Variants in TLL1 observed in about 807,000 individuals in gnomAD.
TLL1 encodes tolloid like 1.
Under a neutral mutation model 128.2 loss-of-function variants are expected in TLL1, and 49 were observed. That is an observed-to-expected ratio of 0.38 (90% confidence interval 0.30 to 0.48). The LOEUF (loss-of-function observed/expected upper bound fraction) is 0.48. Ranked by LOEUF, TLL1 falls within the 20% of genes least tolerant of loss-of-function variation. The pLI is 0.96. For missense variants in TLL1, 1,123 were observed against 1,242.0 expected (o/e 0.90, Z 1.44); for synonymous variants, 454 against 418.8 (o/e 1.08, Z -1.03).
intron 1 of TLL1, among the ~76,000 whole-genome samples, chr4:165,926,031 A>T (rs1463100015): frequency 6.6e-6 from 1 of 152,188 alleles, no homozygotes; most frequent in Non-Finnish European, 1.5e-5. Flanking sequence ...TGCACTGGGA[A>T]ACAAAAAGGT....
intron 1 of TLL1, among the ~76,000 whole-genome samples, chr4:165,876,052 A>G (rs559330437): frequency 1.3e-5 from 2 of 152,292 alleles, no homozygotes; most frequent in Admixed American, 6.5e-5. Context: ...TCTGTTTTTG[A>G]GAAGAGGCAT....
chr4:166,091,871 C>A (rs1424011486), intron 19 of TLL1, among the ~76,000 whole-genome samples: 1 of 151,970 alleles, frequency 6.6e-6, no homozygotes, highest in African/African-American at 2.4e-5. Flanking sequence ...CTAATTTACT[C>A]TTACAGATTT....
At chr4:165,912,562 A>G (rs1434516991) in intron 1 of TLL1, among the ~76,000 whole-genome samples, 4 of 152,232 alleles carry the variant, frequency 2.6e-5, no homozygotes, top group Non-Finnish European at 5.9e-5. Flanking sequence ...TTGGATTGGA[A>G]TCTGGAAATC....
chr4:166,004,358 GTAAT>G (rs1737312581), intron 6 of TLL1, among the ~76,000 whole-genome samples: 1 of 152,016 alleles, frequency 6.6e-6, no homozygotes, highest in Non-Finnish European at 1.5e-5. Flanking sequence ...AATTCCTTCT[GTAAT>G]TAACAATACT....
intron 1 of TLL1, among the ~76,000 whole-genome samples, chr4:165,922,753 G>A (rs1382607410): frequency 6.6e-6 from 1 of 152,110 alleles, no homozygotes; most frequent in Admixed American, 6.6e-5. Context: ...AGAAATTTGG[G>A]CTATTTTTGA....
At chr4:165,898,776 T>C (rs958193007) in intron 1 of TLL1, among the ~76,000 whole-genome samples, 1 of 152,198 alleles carries the variant, frequency 6.6e-6, no homozygotes, top group Admixed American at 6.5e-5. Flanking sequence ...TCCTTTTCTA[T>C]TGTTTGGGAT....
intron 17 of TLL1, 46 bp downstream of exon 17, chr4:166,075,049 G>A: frequency 6.2e-7 from 1 of 1,607,916 alleles, no homozygotes; most frequent in Non-Finnish European, 8.5e-7. Flanking sequence ...AGAATTTCAT[G>A]TGGTTTGGGT....
chr4:166,095,656 G>T lies in TLL1; in HGVS notation c.2657-3621G>T, dbSNP rs58367421. Among the ~76,000 whole-genome samples, 6 of 152,012 alleles carry T rather than the reference G, an allele frequency of 3.9e-5. No individual in the cohort carries two copies. The South Asian group carries it at 1.2e-3, about 32-fold the overall frequency. On this transcript the variant is annotated intron_variant, in intron 19 of 20. Coordinates refer to ENST00000061240, the MANE Select transcript of TLL1 (RefSeq NM_012464.5). ...GGAATGTTCACTAAAAGCATTTATA[G>T]GTCAAATTACAAGGTATCTCCTGGA...
chr4:166,048,884 C>T (rs996164788), intron 12 of TLL1, among the ~76,000 whole-genome samples: 1 of 152,224 alleles, frequency 6.6e-6, no homozygotes, highest in Non-Finnish European at 1.5e-5. Flanking sequence ...TTAACCACCA[C>T]AGCTGCGAGC....
intron 1 of TLL1, among the ~76,000 whole-genome samples, chr4:165,931,090 A>G (rs1440646993): frequency 6.6e-6 from 1 of 152,222 alleles, no homozygotes; most frequent in Non-Finnish European, 1.5e-5. Flanking sequence ...TTGTTGTTGT[A>G]AATAAAGTTG....
At chr4:166,096,144 G>T (rs940811757) in intron 19 of TLL1, among the ~76,000 whole-genome samples, 3 of 151,708 alleles carry the variant, frequency 2.0e-5, no homozygotes, top group African/African-American at 7.3e-5. Context: ...CACCTCTTTT[G>T]CATATAGCAT....
intron 1 of TLL1, among the ~76,000 whole-genome samples, chr4:165,895,633 T>TAAAAAAAAAAAAAA (rs57920393): frequency 1.0e-4 from 7 of 68,448 alleles, no homozygotes; most frequent in African/African-American, 6.0e-4. Flanking sequence ...AGACTTTTTG[T>TAAAAAAAAAAAAAA]AAAAAAAAAA....
In TLL1 at chr4:166,043,356, A is replaced by C; in HGVS notation, c.1461A>C (p.Glu487Asp). 1 of 1,614,126 alleles carries C rather than the reference A, an allele frequency of 6.2e-7. No individual in the cohort carries two copies. Among genetic ancestry groups the C allele is most frequent in the Non-Finnish European group, 8.5e-7 (1 of 1,179,990 alleles). The change falls in exon 12 of 21, where the codon GAA becomes GAC. Residue 487 changes from glutamate (E) to aspartate (D), a missense_variant. This residue lies in a region of TLL1 where 634 missense variants were observed against 672.4 expected (regional missense o/e 0.94). Transcript: ENST00000061240. The stretch of plus-strand genomic sequence containing the variant: ...CTGATGACTATCGCCCGATGAAAGA[A>C]TGTGTGTGGAAAATAACAGTGTCTG... Reference protein sequence around the residue: ...NYPDDYRPMKECVWKITVSES... With the variant: ...NYPDDYRPMKDCVWKITVSES...
At chr4:165,924,928 C>T (rs2110894757) in intron 1 of TLL1, among the ~76,000 whole-genome samples, 1 of 152,304 alleles carries the variant, frequency 6.6e-6, no homozygotes, top group South Asian at 2.1e-4. Context: ...TATGGAACAA[C>T]AAACCCTGTA....
intron 1 of TLL1, among the ~76,000 whole-genome samples, chr4:165,878,338 T>C (rs1730811978): frequency 6.6e-6 from 1 of 152,120 alleles, no homozygotes; most frequent in East Asian, 1.9e-4. Context: ...GTTTCTTCTG[T>C]TTTAGTTTTC....
chr4:166,055,720 T>C (rs936941322), intron 13 of TLL1, among the ~76,000 whole-genome samples: 11 of 152,288 alleles, frequency 7.2e-5, no homozygotes, highest in African/African-American at 2.6e-4. Flanking sequence ...ATCTCAAATG[T>C]CTTTTTGACA....
intron 1 of TLL1, among the ~76,000 whole-genome samples, chr4:165,942,932 A>AT (rs1241708481): frequency 6.6e-6 from 1 of 151,966 alleles, no homozygotes; most frequent in African/African-American, 2.4e-5. Flanking sequence ...GGCACCATTT[A>AT]TTTTCATGTC....
intron 17 of TLL1, among the ~76,000 whole-genome samples, chr4:166,075,567 C>A (rs1560854880): frequency 6.6e-6 from 1 of 152,146 alleles, no homozygotes; most frequent in South Asian, 2.1e-4. Flanking sequence ...GTCCCCAAGG[C>A]CTTACAAAAT....
At chr4:166,045,485 A>T (rs536002744) in intron 12 of TLL1, among the ~76,000 whole-genome samples, 11 of 151,950 alleles carry the variant, frequency 7.2e-5, no homozygotes, top group African/African-American at 2.4e-4. Context: ...TTACACCACC[A>T]CTGTTCTCAT....
Sources: gnomAD v4.1 joint callset for allele counts (sites outside exome capture counted in the v4.1 genomes callset) on GRCh38, gnomAD v4.1.1 for gene constraint, gnomAD v4.1.1 regional missense constraint, MANE v1.5 for transcripts, NCBI Gene and HGNC (gene_info 2026-07-23, HGNC 2026-07-21) for gene names.